Variants in CHD2 observed in about 807,000 individuals in gnomAD.
CHD2 encodes chromodomain helicase DNA binding protein 2.
A neutral mutation model predicts 243.9 loss-of-function variants in CHD2; 28 were observed. The observed-to-expected ratio is 0.11, with a 90% CI of 0.09 to 0.16. The LOEUF (loss-of-function observed/expected upper bound fraction) is 0.16, where lower values mean the gene tolerates loss of function less well. Ranked by LOEUF, CHD2 falls within the 10% of genes least tolerant of loss-of-function variation. CHD2 has a pLI of 1.00. For missense variants in CHD2, 1,386 were observed against 2,209.8 expected, an observed-to-expected ratio of 0.63 and a Z score of 7.47; for synonymous variants, 775 against 779.0, an observed-to-expected ratio of 0.99 and a Z score of 0.09.
intron 7 of CHD2, among the ~76,000 whole-genome samples, chr15:92,940,897 T>C (rs1221122142): frequency 1.1e-5 from 1 of 87,444 alleles, no homozygotes; most frequent in Non-Finnish European, 2.3e-5. Flanking sequence ...TATAAAAATA[T>C]ATATAAATAT....
At chr15:92,942,766 G>C in intron 8 of CHD2, 77 bp from the exon 9 acceptor site, 2 of 1,167,290 alleles carry the variant, frequency 1.7e-6, no homozygotes, top group Non-Finnish European at 2.4e-6. Context: ...GGAGTCTTCA[G>C]ATAATTGCAT....
intron 13 of CHD2, 142 bp from the exon 14 acceptor site, chr15:92,953,215 G>A (rs2053577066): frequency 3.1e-6 from 2 of 651,482 alleles, no homozygotes; most frequent in Non-Finnish European, 2.6e-6. Context: ...AATTGCAGAT[G>A]AGAAGAAATA....
At chr15:92,939,225 A>G (rs556430980) in intron 6 of CHD2, among the ~76,000 whole-genome samples, 2 of 152,326 alleles carry the variant, frequency 1.3e-5, no homozygotes, top group South Asian at 4.1e-4. Flanking sequence ...TACAAGTAAA[A>G]TAGTTTGATA....
intron 38 of CHD2, among the ~76,000 whole-genome samples, chr15:93,022,443 A>C (rs1048948201): frequency 6.6e-6 from 1 of 152,208 alleles, no homozygotes; most frequent in East Asian, 1.9e-4. Context: ...ACATTTCAAC[A>C]TGAGATTTGG....
chr15:92,956,387 T>C (rs2053618226), intron 15 of CHD2, 72 bp from the exon 16 acceptor site: 1 of 1,049,764 alleles, frequency 9.5e-7, no homozygotes, highest in African/African-American at 1.6e-5. Context: ...TATACAGAGA[T>C]AATTAACACT....
At chr15:92,922,284 G>A (rs1301875499) in intron 2 of CHD2, among the ~76,000 whole-genome samples, 1 of 152,104 alleles carries the variant, frequency 6.6e-6, no homozygotes, top group African/African-American at 2.4e-5. Flanking sequence ...CATTCATATG[G>A]TGATAATAAT....
chr15:92,910,885 C>G (rs1309291766), intron 2 of CHD2, among the ~76,000 whole-genome samples: 2 of 152,142 alleles, frequency 1.3e-5, no homozygotes, highest in Non-Finnish European at 2.9e-5. Context: ...TCACACAAAC[C>G]TAGGTATAGC....
Position 92,972,443 on chromosome 15 carries a change from G to T in CHD2, c.2505+26G>T, listed in dbSNP as rs574954863. 439 of 1,559,696 alleles carry T rather than the reference G, an allele frequency of 2.8e-4. No homozygotes were observed. Among genetic ancestry groups the T allele is most frequent in the Admixed American group, 5.4e-4 (27 of 50,296 alleles). ...GTAAGGTGATTTCAGTAATTGCTGTGGGGGGAATCAATCTCTCTCTCCGCC... is the reference window on the plus strand; with the variant it reads ...GTAAGGTGATTTCAGTAATTGCTGTTGGGGGAATCAATCTCTCTCTCCGCC... On this transcript the variant is annotated intron_variant, in intron 19 of 38. Coordinates refer to ENST00000394196, the MANE Select transcript of CHD2 (RefSeq NM_001271.4).
At chr15:93,001,572 A>G (rs925954778) in intron 32 of CHD2, among the ~76,000 whole-genome samples, 3 of 152,144 alleles carry the variant, frequency 2.0e-5, no homozygotes, top group Non-Finnish European at 4.4e-5. Flanking sequence ...GGTAGAGTGC[A>G]GTGGCGCGAT....
chr15:92,963,901 A>G (rs1046579660), intron 16 of CHD2, among the ~76,000 whole-genome samples: 1 of 152,246 alleles, frequency 6.6e-6, no homozygotes, highest in African/African-American at 2.4e-5. Context: ...TTGTTTTTAT[A>G]GAAAAAGAAT....
intron 28 of CHD2, among the ~76,000 whole-genome samples, chr15:92,993,755 C>T (rs1236667131): frequency 6.6e-6 from 1 of 152,034 alleles, no homozygotes; most frequent in African/African-American, 2.4e-5. Flanking sequence ...CCAGTCTGGG[C>T]AATATGTAAG....
chr15:93,013,928 C>CAAAAAAAAAAAAAAAAAA (rs35774813), intron 36 of CHD2, among the ~76,000 whole-genome samples: 2 of 64,154 alleles, frequency 3.1e-5, no homozygotes, highest in African/African-American at 1.4e-4. Flanking sequence ...GACTCTGTCT[C>CAAAAAAAAAAAAAAAAAA]AAAAAAAAAA....
intron 2 of CHD2, among the ~76,000 whole-genome samples, chr15:92,912,996 A>G (rs1471956270): frequency 2.0e-5 from 3 of 152,260 alleles, no homozygotes. Flanking sequence ...TTGCTTAAAA[A>G]AAAGTCTGTT....
intron 16 of CHD2, among the ~76,000 whole-genome samples, chr15:92,965,639 C>CA (rs1354678181): frequency 1.4e-5 from 2 of 148,144 alleles, no homozygotes; most frequent in Admixed American, 1.3e-4. Context: ...TCATAGCCCA[C>CA]ACAGTCATTG....
In CHD2 at chr15:92,946,074, A is replaced by C. The variant is rs779978728; in HGVS notation, c.1235A>C (p.Glu412Ala). Residue 412 changes from glutamate to alanine, a missense_variant, in exon 12 of 39, where the codon GAA (glutamate) becomes GCA (alanine). Glu to Ala is a moderately radical substitution (Grantham distance 107). Around this residue, in one of 19 missense-constraint regions of CHD2, gnomAD observed 200 missense variants for 292.5 expected, o/e 0.68. Coordinates refer to ENST00000394196, the MANE Select transcript of CHD2 (RefSeq NM_001271.4). ...AAGCCGGCACCCTCAAATGAGCCCG[A>C]ATATCTATGTAAATGGATGGGACTC... Reference protein sequence around the residue: ...SRKPAPSNEPEYLCKWMGLPY... With the variant: ...SRKPAPSNEPAYLCKWMGLPY... 6 of 1,605,174 alleles carry C rather than the reference A, an allele frequency of 3.7e-6. No individual in the cohort carries two copies. Among genetic ancestry groups the C allele is most frequent in the Non-Finnish European group, 5.1e-6 (6 of 1,174,804 alleles).
chr15:92,951,737 C>G (rs2053556998), intron 13 of CHD2, among the ~76,000 whole-genome samples: 1 of 152,096 alleles, frequency 6.6e-6, no homozygotes. Context: ...GGAAATTACT[C>G]AAAGGAATAT....
chr15:92,961,681 A>G (rs932575327), intron 16 of CHD2, among the ~76,000 whole-genome samples: 1 of 152,030 alleles, frequency 6.6e-6, no homozygotes, highest in Non-Finnish European at 1.5e-5. Context: ...TAAAATGCTG[A>G]GATAATAGGC....
At chr15:92,942,082 T>C in intron 8 of CHD2, 127 bp downstream of exon 8, 1 of 866,546 alleles carries the variant, frequency 1.2e-6, no homozygotes, top group East Asian at 2.6e-5. Context: ...TAGAAGTCTT[T>C]CTGACCCAGT....
chr15:93,012,100 A>G (rs1450412602), intron 35 of CHD2, among the ~76,000 whole-genome samples: 2 of 152,210 alleles, frequency 1.3e-5, no homozygotes, highest in South Asian at 2.1e-4. Context: ...TCATTATAAC[A>G]TTGATGAGAA....
Sources: allele counts gnomAD v4.1 joint callset (sites outside exome capture counted in the v4.1 genomes callset), GRCh38; gene constraint gnomAD v4.1.1; regional missense constraint gnomAD v4.1.1; transcripts MANE v1.5; gene names NCBI Gene and HGNC (gene_info 2026-07-23, HGNC 2026-07-21).